NHSL1: variants seen among roughly 807,000 people sequenced by gnomAD.
NHSL1 encodes NHS-like protein 1.
Under a neutral mutation model 95.0 loss-of-function variants are expected in NHSL1, and 48 were observed. The observed-to-expected ratio is 0.51, with a 90% CI of 0.40 to 0.64. NHSL1 has a LOEUF of 0.64. Ranked by LOEUF, NHSL1 falls within the 30% of genes least tolerant of loss-of-function variation. The probability of loss-of-function intolerance (pLI) is 0.00; values close to 1 mark genes in which losing one functional copy is unlikely to be tolerated. For missense variants in NHSL1, 1,971 were observed against 2,077.7 expected (o/e 0.95, Z 1.00); for synonymous variants, 783 against 833.9 (o/e 0.94, Z 1.05).
intron 1 of NHSL1, among the ~76,000 whole-genome samples, chr6:138,555,141 C>T (rs1783149882): frequency 6.6e-6 from 1 of 152,180 alleles, no homozygotes; most frequent in South Asian, 2.1e-4. Flanking sequence ...ACAAAAACAG[C>T]TCTTCTGACC....
chr6:138,685,302 T>C (rs1785571818), intron 1 of NHSL1, among the ~76,000 whole-genome samples: 1 of 152,348 alleles, frequency 6.6e-6, no homozygotes, highest in African/African-American at 2.4e-5. Flanking sequence ...ACTGATGTTT[T>C]GATTTAAAGG....
chr6:138,619,969 T>C (rs199958561), intron 1 of NHSL1, among the ~76,000 whole-genome samples: 1 of 92,612 alleles, frequency 1.1e-5, no homozygotes, highest in South Asian at 3.3e-4. Flanking sequence ...AAAAAAAAAA[T>C]AGCAATCTCC....
At chr6:138,468,586 T>C (rs1158935509) in intron 3 of NHSL1, among the ~76,000 whole-genome samples, 1 of 152,184 alleles carries the variant, frequency 6.6e-6, no homozygotes, top group Non-Finnish European at 1.5e-5. Context: ...CTCTAACTAA[T>C]GTCTGATGAT....
chr6:138,628,853 C>T (rs1784779599), intron 1 of NHSL1, among the ~76,000 whole-genome samples: 1 of 152,226 alleles, frequency 6.6e-6, no homozygotes, highest in Admixed American at 6.5e-5. Flanking sequence ...TTACTACAGA[C>T]TCAAATAACT....
At chr6:138,502,368 C>T (rs1225409064), upstream of NHSL1, among the ~76,000 whole-genome samples, 3 of 151,882 alleles carry the variant, frequency 2.0e-5, no homozygotes, top group Admixed American at 6.6e-5. Context: ...ATGGAAGAGC[C>T]GTATTCTTCT....
intron 1 of NHSL1, among the ~76,000 whole-genome samples, chr6:138,600,401 A>G (rs1431496145): frequency 1.3e-5 from 2 of 152,102 alleles, no homozygotes; most frequent in Non-Finnish European, 2.9e-5. Flanking sequence ...ACCTTCCTTC[A>G]ATTTGAACTA....
At chr6:138,499,537 CCAG>C, upstream of NHSL1, 1 of 689,572 alleles carries the variant, frequency 1.5e-6, no homozygotes, top group South Asian at 3.7e-5. Context: ...CTGAGAGCAG[CCAG>C]TGACATCGTG....
chr6:138,656,088 G>C (rs115312793), intron 1 of NHSL1, among the ~76,000 whole-genome samples: 28 of 152,314 alleles, frequency 1.8e-4, no homozygotes, highest in Admixed American at 1.5e-3. Context: ...AGAAACCCAT[G>C]TGACAAAGAC....
At chr6:138,531,200 T>A (rs1287038910) in intron 1 of NHSL1, among the ~76,000 whole-genome samples, 1 of 152,162 alleles carries the variant, frequency 6.6e-6, no homozygotes, top group Non-Finnish European at 1.5e-5. Context: ...AAGATATAAA[T>A]CAAAAATTAA....
chr6:138,518,199 T>C (rs1040416676), intron 1 of NHSL1, among the ~76,000 whole-genome samples: 5 of 152,226 alleles, frequency 3.3e-5, no homozygotes, highest in African/African-American at 4.8e-5. Context: ...TATTTATTAA[T>C]ACATCTGAAC....
At chr6:138,651,891 A>C (rs972428135) in intron 1 of NHSL1, among the ~76,000 whole-genome samples, 2 of 152,222 alleles carry the variant, frequency 1.3e-5, no homozygotes, top group African/African-American at 4.8e-5. Flanking sequence ...ATTATTTCAC[A>C]CTTTTTTGGG....
chr6:138,499,399 C>T lies in NHSL1; in HGVS notation c.-109G>A. ...TGCTACAGATTCTAACTTTTTCTTC[C>T]CCCGGTCTCATATCCTTAGACATCT... On this transcript the variant is annotated 5_prime_UTR_variant, in exon 1 of 8. Coordinates refer to ENST00000343505, the MANE Select transcript of NHSL1 (RefSeq NM_001144060.2). The T allele has an allele frequency of 1.3e-6, 2 of 1,493,090 alleles. No individual in the cohort carries two copies. The highest frequency in any genetic ancestry group is 9.0e-7 in the Non-Finnish European group (1 of 1,116,246). 92.5% of individuals were successfully genotyped at this position (1,493,090 alleles called of 1,614,324 possible). A position where few individuals can be genotyped will look rare whatever the true frequency, so the allele number is the denominator to read the frequency against.
At chr6:138,514,719 A>G (rs189544178) in intron 1 of NHSL1, among the ~76,000 whole-genome samples, 119 of 152,198 alleles carry the variant, frequency 7.8e-4, no homozygotes, top group Non-Finnish European at 1.2e-3. Context: ...GGAGTTCAAG[A>G]CCAGCCTGGG....
chr6:138,555,388 C>T (rs1377877534), intron 1 of NHSL1, among the ~76,000 whole-genome samples: 1 of 152,090 alleles, frequency 6.6e-6, no homozygotes, highest in African/African-American at 2.4e-5. Context: ...GAAAAAGTTC[C>T]AAGTCAAAAA....
chr6:138,564,910 T>C (rs146790047), intron 1 of NHSL1, among the ~76,000 whole-genome samples: 5 of 152,236 alleles, frequency 3.3e-5, no homozygotes, highest in Admixed American at 2.0e-4. Flanking sequence ...TCGAGCACCC[T>C]GGCACAGGGA....
chr6:138,629,820 G>A (rs113862447), intron 1 of NHSL1, among the ~76,000 whole-genome samples: 3 of 152,292 alleles, frequency 2.0e-5, no homozygotes, highest in African/African-American at 7.2e-5. Context: ...ACCTTAATAA[G>A]CAAACACATA....
intron 1 of NHSL1, among the ~76,000 whole-genome samples, chr6:138,631,641 AG>A (rs1384410035): frequency 6.6e-6 from 1 of 152,124 alleles, no homozygotes; most frequent in Non-Finnish European, 1.5e-5. Flanking sequence ...CTTGAAAGGA[AG>A]GACCTACTCC....
chr6:138,465,928 T>C (rs1225021516), intron 3 of NHSL1, among the ~76,000 whole-genome samples: 3 of 151,218 alleles, frequency 2.0e-5, no homozygotes, highest in Admixed American at 6.6e-5. Flanking sequence ...TTTACCATGT[T>C]GTCCAGGCTG....
chr6:138,642,639 T>G (rs1269484976), intron 1 of NHSL1, among the ~76,000 whole-genome samples: 1 of 152,070 alleles, frequency 6.6e-6, no homozygotes, highest in Non-Finnish European at 1.5e-5. Context: ...TTTGTTTCAG[T>G]TTTTTTTAAG....
Sources: gnomAD v4.1 joint callset for allele counts (sites outside exome capture counted in the v4.1 genomes callset) on GRCh38, gnomAD v4.1.1 for gene constraint, MANE v1.5 for transcripts, NCBI Gene and HGNC (gene_info 2026-07-23, HGNC 2026-07-21) for gene names.